ELP4: variants seen among roughly 807,000 people sequenced by gnomAD.
The protein encoded by ELP4 is elongator complex protein 4.
Under a neutral mutation model 48.9 loss-of-function variants are expected in ELP4, and 51 were observed. That is an observed-to-expected ratio of 1.04 (90% CI 0.83 to 1.32). ELP4 has a LOEUF of 1.32. ELP4 is among the 40% of genes most tolerant of loss of function. The pLI, the probability that ELP4 is intolerant of heterozygous loss-of-function variation, is 0.00. For synonymous variants in ELP4, 210 were observed against 189.2 expected (o/e 1.11, Z -0.90); for missense variants, 519 against 514.6 (o/e 1.01, Z -0.08).
intron 2 of ELP4, among the ~76,000 whole-genome samples, 200 bp from the exon 3 acceptor site, chr11:31,539,462 A>AG (rs776253865): frequency 6.6e-6 from 1 of 152,212 alleles, no homozygotes; most frequent in African/African-American, 2.4e-5. Flanking sequence ...TCAAAAAAAA[A>AG]GTGCCTAGTT....
intron 9 of ELP4, chr11:31,682,131 C>T: frequency 8.4e-7 from 1 of 1,185,594 alleles, no homozygotes; most frequent in Non-Finnish European, 1.1e-6. Flanking sequence ...TCCCATCCAA[C>T]TATGCAACAG....
intron 9 of ELP4, among the ~76,000 whole-genome samples, chr11:31,700,660 T>C (rs1946502798): frequency 6.6e-6 from 1 of 152,040 alleles, no homozygotes; most frequent in African/African-American, 2.4e-5. Flanking sequence ...AAAAGATTAC[T>C]TACTCAAGAT....
chr11:31,632,540 C>G, intron 7 of ELP4, 135 bp downstream of exon 7: 2 of 598,102 alleles, frequency 3.3e-6, no homozygotes, highest in Non-Finnish European at 5.4e-6. Flanking sequence ...TGCATGTCTT[C>G]TTTTGTCTGT....
rs1261358026 is a variant in ELP4 at position 31,632,227 on chromosome 11, G to T, written c.749G>T (p.Arg250Ile). 2.5e-6 allele frequency: 4 copies of T among 1,596,624 alleles called. No homozygotes were observed. The Admixed American group carries it at 5.4e-5, about 22-fold the overall frequency. Residue 250 changes from arginine (R) to isoleucine (I), a missense_variant, in exon 7 of 10, where the codon AGA (arginine) becomes ATA (isoleucine). Arg to Ile is a moderately conservative substitution (Grantham distance 97). Coordinates refer to ENST00000640961, the MANE Select transcript of ELP4 (RefSeq NM_019040.5). Reference protein sequence around the residue: ...FDGSNPQKKQRNILRIGIQNL... With the variant: ...FDGSNPQKKQINILRIGIQNL... Reference sequence around the variant, plus strand: ...CCCACTTTCTTTTAGAAAAAACAGAGAAACATTTTAAGAATAGGAATTCAG... The same window carrying T: ...CCCACTTTCTTTTAGAAAAAACAGATAAACATTTTAAGAATAGGAATTCAG...
At chr11:31,730,048 C>A (rs1001179947) in intron 9 of ELP4, among the ~76,000 whole-genome samples, 4 of 152,140 alleles carry the variant, frequency 2.6e-5, no homozygotes, top group Admixed American at 6.5e-5. Flanking sequence ...TGTGAGAAAT[C>A]CAGAAACCAG....
At chr11:31,664,921 CTTT>C (rs1945639942) in intron 9 of ELP4, among the ~76,000 whole-genome samples, 1 of 152,064 alleles carries the variant, frequency 6.6e-6, no homozygotes, top group Non-Finnish European at 1.5e-5. Flanking sequence ...TAATGTGTGA[CTTT>C]TCTGGTATTT....
intron 3 of ELP4, among the ~76,000 whole-genome samples, chr11:31,569,286 G>A (rs1957159009): frequency 6.6e-6 from 1 of 152,114 alleles, no homozygotes. Flanking sequence ...TACCACAAGA[G>A]AAAGTGTCAA....
chr11:31,723,550 C>T (rs1947012918), intron 9 of ELP4, among the ~76,000 whole-genome samples: 1 of 152,174 alleles, frequency 6.6e-6, no homozygotes, highest in Non-Finnish European at 1.5e-5. Context: ...AATCTACCTA[C>T]AATAAAATAA....
chr11:31,603,678 A>T lies in ELP4; in HGVS notation c.514-90A>T, dbSNP rs902793199. ...TCTTCCTTATTAGCTTAAAATTCAT[A>T]AATATGCCATTGTTTTGCTGGATGT... On this transcript the variant is annotated intron_variant, in intron 4 of 9. Transcript: ENST00000640961. 23 of 1,373,862 alleles carry T rather than the reference A, an allele frequency of 1.7e-5. No homozygotes were observed. The African/African-American group carries it at 2.5e-4, about 15-fold the overall frequency. The allele number at this position is 1,373,862 out of a possible 1,614,324, so 85.1% of individuals were successfully genotyped here. A position where few individuals can be genotyped will look rare whatever the true frequency, so the allele number is the denominator to read the frequency against.
At chr11:31,598,050 G>A (rs797005254) in intron 4 of ELP4, among the ~76,000 whole-genome samples, 33 of 143,360 alleles carry the variant, frequency 2.3e-4, no homozygotes, top group African/African-American at 8.0e-4. Context: ...CCGCCTCCCG[G>A]GTTCAAGCGA....
intron 5 of ELP4, among the ~76,000 whole-genome samples, chr11:31,610,044 CTT>C (rs1297461937): frequency 6.6e-6 from 1 of 151,738 alleles, no homozygotes; most frequent in Non-Finnish European, 1.5e-5. Flanking sequence ...AGACCGTTGT[CTT>C]AAAAAAACAG....
At chr11:31,673,738 A>G (rs1945858851) in intron 9 of ELP4, among the ~76,000 whole-genome samples, 2 of 152,356 alleles carry the variant, frequency 1.3e-5, no homozygotes, top group African/African-American at 4.8e-5. Context: ...TTAAAACTTT[A>G]TATGCTATAG....
In ELP4 at chr11:31,543,174, T is replaced by A. The variant is rs560345058; in HGVS notation, c.381+3391T>A. ...AGATAACTTAAGGGTCCCTAACATG[T>A]GATTGGACTCTGTGAAGGGAGAAGG... is the stretch of plus-strand genomic sequence containing the variant. On this transcript the variant is annotated intron_variant, in intron 3 of 9. Coordinates refer to ENST00000640961, the MANE Select transcript of ELP4 (RefSeq NM_019040.5). Among the ~76,000 whole-genome samples the A allele has an allele frequency of 2.0e-5, 3 of 152,282 alleles. No homozygotes were observed. The South Asian group carries it at 6.2e-4, about 32-fold the overall frequency.
At chr11:31,745,770 T>C (rs992658733) in intron 9 of ELP4, among the ~76,000 whole-genome samples, 10 of 152,002 alleles carry the variant, frequency 6.6e-5, no homozygotes, top group African/African-American at 2.4e-4. Flanking sequence ...AAATGTTAGA[T>C]CTAAAACCAC....
intron 9 of ELP4, among the ~76,000 whole-genome samples, chr11:31,762,341 T>C (rs1947961508): frequency 6.6e-6 from 1 of 152,184 alleles, no homozygotes; most frequent in Non-Finnish European, 1.5e-5. Context: ...GATTTTTTCC[T>C]TAACAGCCTT....
chr11:31,591,314 G>A (rs1250937696), intron 3 of ELP4, among the ~76,000 whole-genome samples: 1 of 145,960 alleles, frequency 6.9e-6, no homozygotes, highest in East Asian at 2.1e-4. Flanking sequence ...GCTGAGGCAA[G>A]AGAATGGCAT....
chr11:31,717,493 C>T (rs987940097), intron 9 of ELP4, among the ~76,000 whole-genome samples: 1 of 152,102 alleles, frequency 6.6e-6, no homozygotes, highest in Non-Finnish European at 1.5e-5. Context: ...CAATGGCTCA[C>T]GCCTGTAATC....
chr11:31,559,138 G>T (rs538476445), intron 3 of ELP4, among the ~76,000 whole-genome samples: 12 of 152,178 alleles, frequency 7.9e-5, no homozygotes, highest in South Asian at 2.1e-4. Flanking sequence ...AAATAGATGA[G>T]CTGTGAAGAT....
intron 3 of ELP4, among the ~76,000 whole-genome samples, chr11:31,544,727 G>T (rs551960711): frequency 6.6e-6 from 1 of 152,304 alleles, no homozygotes; most frequent in Non-Finnish European, 1.5e-5. Flanking sequence ...CCTGACCCCT[G>T]AGCAGCCTAA....
Sources: gnomAD v4.1 joint callset for allele counts (sites outside exome capture counted in the v4.1 genomes callset) on GRCh38, gnomAD v4.1.1 for gene constraint, MANE v1.5 for transcripts, NCBI Gene and HGNC (gene_info 2026-07-23, HGNC 2026-07-21) for gene names.